The following KCNH1 variants were observed in gnomAD, a reference collection of about 807,000 sequenced individuals.
KCNH1 encodes voltage-gated delayed rectifier potassium channel KCNH1.
In KCNH1, 27 loss-of-function variants were observed where a neutral mutation model predicts 69.2. That is an observed-to-expected ratio of 0.39 (90% CI 0.29 to 0.54). The LOEUF (loss-of-function observed/expected upper bound fraction) is 0.54, where lower values mean the gene tolerates loss of function less well. Ranked by LOEUF, KCNH1 falls within the 20% of genes least tolerant of loss-of-function variation. The probability of loss-of-function intolerance (pLI) is 0.68; values close to 1 mark genes in which losing one functional copy is unlikely to be tolerated. For synonymous variants in KCNH1, 456 were observed against 487.7 expected, an observed-to-expected ratio of 0.93 and a Z score of 0.86; for missense variants, 798 against 1,261.6, an observed-to-expected ratio of 0.63 and a Z score of 5.57.
chr1:210,832,238 CA>C (rs1685177010), intron 7 of KCNH1, among the ~76,000 whole-genome samples: 1 of 152,084 alleles, frequency 6.6e-6, no homozygotes, highest in African/African-American at 2.4e-5. Context: ...AAGGTCTGAC[CA>C]AAAAGGCTAT....
chr1:210,803,115 C>G (rs1684462497), intron 8 of KCNH1, among the ~76,000 whole-genome samples: 2 of 152,074 alleles, frequency 1.3e-5, no homozygotes, highest in South Asian at 4.1e-4. Context: ...TCATGGGATT[C>G]TTTCTTTGAG....
intron 6 of KCNH1, among the ~76,000 whole-genome samples, chr1:210,987,113 G>C (rs1688854865): frequency 6.6e-6 from 1 of 152,132 alleles, no homozygotes; most frequent in African/African-American, 2.4e-5. Flanking sequence ...CATAGTTCTT[G>C]TGCCTTGGTT....
rs60620622 is a variant in KCNH1, at chr1:211,060,400, CAA to C, written c.558+22378_558+22379del. The stretch of plus-strand genomic sequence containing the variant: ...TGGGCGACAGAGCGAGACTCCGTCT[CAA>C]AAAAAAAAAAAAAAAAAAAAAAAGA... On this transcript the variant is annotated intron_variant, in intron 5 of 10. Coordinates refer to ENST00000271751, the MANE Select transcript of KCNH1 (RefSeq NM_172362.3). Among the ~76,000 whole-genome samples the C allele has an allele frequency of 7.7e-4, 34 of 44,318 alleles. No individual in the cohort carries two copies. The South Asian group carries it at 0.017, about 23-fold the overall frequency. 29.1% of individuals were successfully genotyped at this position (44,318 alleles called of 152,430 possible).
At chr1:211,120,571 CAA>C in intron 1 of KCNH1, among the ~76,000 whole-genome samples, 1 of 152,028 alleles carries the variant, frequency 6.6e-6, no homozygotes, top group South Asian at 2.1e-4. Context: ...ACAATTTGAA[CAA>C]AAAGTCTTAG....
In KCNH1 at chr1:210,917,225, GAGAGAGAAAGAA is replaced by G. The variant is rs1201331405; in HGVS notation, c.1462+2403_1462+2414del. On this transcript the variant is annotated intron_variant, in intron 7 of 10. Transcript: ENST00000271751. Reference sequence around the variant, plus strand: ...AAAGGGACAGAGAGAGAGAGAGAGAGAGAGAGAAAGAAAGAAAGAAAGAAAGAAAGAAAGAAA... The same window carrying G: ...AAAGGGACAGAGAGAGAGAGAGAGAGAGAAAGAAAGAAAGAAAGAAAGAAA... Among the ~76,000 whole-genome samples the G allele has an allele frequency of 8.0e-3, 643 of 80,536 alleles. 1 individual carries two copies. Among genetic ancestry groups the G allele is most frequent in the African/African-American group, 0.011 (220 of 20,426 alleles). The allele number at this position is 80,536 out of a possible 152,430, so 52.8% of individuals were successfully genotyped here.
chr1:210,803,749 C>G (rs111633560), intron 8 of KCNH1, among the ~76,000 whole-genome samples: 6 of 152,252 alleles, frequency 3.9e-5, no homozygotes, highest in African/African-American at 1.4e-4. Context: ...GGAAATACAC[C>G]CTGCCTTTCT....
rs575311974 is a variant in KCNH1 at position 211,074,264 on chromosome 1, TA to T, written c.558+8515del. On this transcript the variant is annotated intron_variant, in intron 5 of 10. Transcript: ENST00000271751. ...ACATAGATCAGATTAAAAAGAGGAC[TA>T]GGAGTTATAATTTTTCCTTAATTTG... is the stretch of plus-strand genomic sequence containing the variant. 2.7e-3 allele frequency among the ~76,000 whole-genome samples: 408 copies of T among 151,940 alleles called. 1 individual carries two copies. Among genetic ancestry groups the T allele is most frequent in the African/African-American group, 9.5e-3 (393 of 41,526 alleles).
rs751697445 is a variant in KCNH1 at position 210,708,216 on chromosome 1, C to T, written c.2113-24078G>A. Among the ~76,000 whole-genome samples, 3 of 144,662 alleles carry T rather than the reference C, an allele frequency of 2.1e-5. 1 individual carries two copies. The South Asian group carries it at 6.4e-4, about 31-fold the overall frequency. The allele number at this position is 144,662 out of a possible 152,430, so 94.9% of individuals were successfully genotyped here. On this transcript the variant is annotated intron_variant, in intron 10 of 10. Coordinates refer to ENST00000271751, the MANE Select transcript of KCNH1 (RefSeq NM_172362.3). The stretch of plus-strand genomic sequence containing the variant: ...TTTTACTCTGGATGGCTCTTCCCTT[C>T]CCCCACTCCCATTGTTGGTTCAGAC...
intron 6 of KCNH1, among the ~76,000 whole-genome samples, chr1:210,923,351 G>A (rs1175912641): frequency 6.6e-6 from 1 of 152,178 alleles, no homozygotes; most frequent in Non-Finnish European, 1.5e-5. Flanking sequence ...TACTGCCTCT[G>A]AAGAGCAGAC....
intron 5 of KCNH1, among the ~76,000 whole-genome samples, chr1:211,047,735 T>C (rs976508081): frequency 6.6e-6 from 1 of 152,112 alleles, no homozygotes; most frequent in African/African-American, 2.4e-5. Flanking sequence ...AATACTTATG[T>C]CAACAAAAGA....
intron 7 of KCNH1, among the ~76,000 whole-genome samples, chr1:210,809,451 A>G (rs1241600061): frequency 6.6e-6 from 1 of 152,178 alleles, no homozygotes; most frequent in Non-Finnish European, 1.5e-5. Flanking sequence ...ACAAAGATGT[A>G]TGGTGAATGG....
In KCNH1 at chr1:211,133,390, G is replaced by A. The variant is rs1691912382; in HGVS notation, c.79+477C>T. ...CAGGGATGGAAGGTGGAGGCAGCCG[G>A]ATCCTCCCATTCTGAGGCAGCGGGG... On this transcript the variant is annotated intron_variant, in intron 1 of 10. Coordinates refer to ENST00000271751, the MANE Select transcript of KCNH1 (RefSeq NM_172362.3). This position sits in a 1 kb window ranked among gnomAD's most constrained non-coding sequence, Gnocchi z 5.4. 6.6e-6 allele frequency: 1 copy of A among 152,368 alleles called. No individual in the cohort carries two copies. Among genetic ancestry groups the A allele is most frequent in the Non-Finnish European group, 1.5e-5 (1 of 68,238 alleles). The allele number at this position is 152,368 out of a possible 1,614,324, so 9.4% of individuals were successfully genotyped here.
At chr1:210,940,514 T>C (rs1687858331) in intron 6 of KCNH1, among the ~76,000 whole-genome samples, 1 of 152,252 alleles carries the variant, frequency 6.6e-6, no homozygotes, top group African/African-American at 2.4e-5. Context: ...CAACCTTCCA[T>C]TTGTTTAATC....
intron 5 of KCNH1, among the ~76,000 whole-genome samples, chr1:211,043,618 C>T (rs145752030): frequency 6.6e-6 from 1 of 152,220 alleles, no homozygotes; most frequent in African/African-American, 2.4e-5. Context: ...AATACCAAAA[C>T]CAGGAAAGGA....
At chr1:210,863,731 C>G (rs1365854377) in intron 7 of KCNH1, among the ~76,000 whole-genome samples, 1 of 152,188 alleles carries the variant, frequency 6.6e-6, no homozygotes, top group Non-Finnish European at 1.5e-5. Context: ...AGGAGCTGTG[C>G]CTTGCTGGTG....
chr1:211,127,425 CAAAAA>C (rs11340722), intron 1 of KCNH1, among the ~76,000 whole-genome samples: 2 of 127,614 alleles, frequency 1.6e-5, no homozygotes, highest in African/African-American at 2.9e-5. Flanking sequence ...ACACACACAC[CAAAAA>C]AAAAAAAAAA....
chr1:210,858,397 T>C (rs983925467), intron 7 of KCNH1: 1 of 152,218 alleles, frequency 6.6e-6, no homozygotes, highest in African/African-American at 2.4e-5. Flanking sequence ...CAGAAGTGAG[T>C]GGACCACGAA....
intron 7 of KCNH1, chr1:210,860,056 C>G: frequency 1.4e-6 from 2 of 1,471,622 alleles, no homozygotes; most frequent in South Asian, 1.1e-5. Flanking sequence ...ACGATGACCT[C>G]TAACAATTTT....
chr1:210,868,806 T>C lies in KCNH1; in HGVS notation c.1462+50834A>G, dbSNP rs1016768799. ...TTGGTCATTTCAAGAATATTGACTA[T>C]ATGGAATCATAAAGTATATAACCTT... On this transcript the variant is annotated intron_variant, in intron 7 of 10. Coordinates refer to ENST00000271751, the MANE Select transcript of KCNH1 (RefSeq NM_172362.3). 6.0e-4 allele frequency among the ~76,000 whole-genome samples: 92 copies of C among 152,116 alleles called. 1 individual carries two copies. The highest frequency in any genetic ancestry group is 1.6e-4 in the Non-Finnish European group (11 of 67,976).
Sources: allele counts gnomAD v4.1 joint callset (sites outside exome capture counted in the v4.1 genomes callset), GRCh38; gene constraint gnomAD v4.1.1; non-coding constraint Gnocchi (gnomAD v3.1); transcripts MANE v1.5; gene names NCBI Gene and HGNC (gene_info 2026-07-23, HGNC 2026-07-21).